Variants in INPP4B observed in about 807,000 individuals in gnomAD.
The protein encoded by INPP4B is inositol polyphosphate 4-phosphatase type II.
In INPP4B, 55 loss-of-function variants were observed where a neutral mutation model predicts 122.5. The observed-to-expected ratio is 0.45, with a 90% CI of 0.36 to 0.56. INPP4B has a LOEUF of 0.56. Among genes scored for constraint, INPP4B ranks in the 20% least tolerant of loss-of-function variants. The pLI is 0.00. For synonymous variants in INPP4B, 403 were observed against 388.7 expected (o/e 1.04, Z -0.43); for missense variants, 1,000 against 1,097.7 (o/e 0.91, Z 1.26).
intron 15 of INPP4B, among the ~76,000 whole-genome samples, chr4:142,175,531 T>C (rs1443392824): frequency 6.6e-6 from 1 of 152,162 alleles, no homozygotes; most frequent in African/African-American, 2.4e-5. Flanking sequence ...ACTAGTTTAC[T>C]TGTAGACTTT....
At chr4:142,377,795 G>C (rs900946887) in intron 7 of INPP4B, among the ~76,000 whole-genome samples, 2 of 152,016 alleles carry the variant, frequency 1.3e-5, no homozygotes, top group African/African-American at 2.4e-5. Context: ...GAAAAAATAA[G>C]TACTTATTCA....
chr4:142,114,388 A>G (rs1359255123), intron 21 of INPP4B, among the ~76,000 whole-genome samples: 2 of 152,078 alleles, frequency 1.3e-5, no homozygotes, highest in African/African-American at 4.8e-5. Flanking sequence ...TTTCAAAGTG[A>G]CAATTCCACC....
At chr4:142,461,484 A>G (rs1201292742) in intron 3 of INPP4B, among the ~76,000 whole-genome samples, 1 of 152,196 alleles carries the variant, frequency 6.6e-6, no homozygotes, top group Admixed American at 6.5e-5. Flanking sequence ...CTATATTTCC[A>G]CATGTGAAGT....
At chr4:142,294,856 A>AAAAAAAAAAAAAAAAAAAG (rs1561775056) in intron 9 of INPP4B, among the ~76,000 whole-genome samples, 2 of 143,806 alleles carry the variant, frequency 1.4e-5, no homozygotes, top group Non-Finnish European at 3.0e-5. Flanking sequence ...AAAAAAAAAA[A>AAAAAAAAAAAAAAAAAAAG]GGCAGACTTA....
intron 8 of INPP4B, among the ~76,000 whole-genome samples, chr4:142,312,901 C>G (rs1297847373): frequency 6.6e-6 from 1 of 152,158 alleles, no homozygotes. Flanking sequence ...TGAGAAGCAT[C>G]AAGTCTAGCA....
intron 2 of INPP4B, among the ~76,000 whole-genome samples, chr4:142,624,011 T>C (rs1024000303): frequency 6.6e-5 from 10 of 152,156 alleles, no homozygotes; most frequent in African/African-American, 1.9e-4. Context: ...CTATCGTGAA[T>C]ACTGCCGCAA....
chr4:142,249,086 T>C (rs1730627791), intron 11 of INPP4B, among the ~76,000 whole-genome samples: 1 of 152,076 alleles, frequency 6.6e-6, no homozygotes, highest in Non-Finnish European at 1.5e-5. Flanking sequence ...CAAATACCGG[T>C]AAGTTCTCCA....
At chr4:142,031,489 A>G (rs1171094026) in intron 25 of INPP4B, among the ~76,000 whole-genome samples, 3 of 152,184 alleles carry the variant, frequency 2.0e-5, no homozygotes, top group African/African-American at 7.2e-5. Flanking sequence ...CAAATCAACC[A>G]TGTTGTGCTG....
At chr4:142,156,248 G>A (rs336394) in intron 17 of INPP4B, among the ~76,000 whole-genome samples, 102,854 of 151,762 alleles carry the variant, frequency 0.68, 38,838 homozygotes, top group East Asian at 0.9. Flanking sequence ...GATTTGAATA[G>A]AAGTAGGCAG....
intron 1 of INPP4B, among the ~76,000 whole-genome samples, chr4:142,802,948 T>C (rs554788120): frequency 6.6e-6 from 1 of 151,928 alleles, no homozygotes; most frequent in Non-Finnish European, 1.5e-5. Context: ...GGCAGGTGGA[T>C]CACCTAAGGT....
At chr4:142,068,804 C>T (rs1765210832) in intron 25 of INPP4B, among the ~76,000 whole-genome samples, 1 of 152,128 alleles carries the variant, frequency 6.6e-6, no homozygotes, top group Non-Finnish European at 1.5e-5. Flanking sequence ...TATATGCACC[C>T]AATACAGGAG....
chr4:142,418,268 G>C (rs2149290791), intron 5 of INPP4B, among the ~76,000 whole-genome samples: 1 of 152,110 alleles, frequency 6.6e-6, no homozygotes, highest in Non-Finnish European at 1.5e-5. Context: ...AAATAATTGT[G>C]TTGGCAATAA....
At chr4:142,549,350 C>G (rs563482162) in intron 2 of INPP4B, among the ~76,000 whole-genome samples, 1 of 152,136 alleles carries the variant, frequency 6.6e-6, no homozygotes, top group African/African-American at 2.4e-5. Context: ...GAGCCCATGA[C>G]CATCAGACGG....
At chr4:142,238,130 C>CT (rs1303008668) in intron 11 of INPP4B, 119 bp from the exon 12 acceptor site, 6 of 495,472 alleles carry the variant, frequency 1.2e-5, no homozygotes, top group African/African-American at 2.0e-5. Flanking sequence ...TCCAAAATGT[C>CT]TTTTTTTAAA....
rs553247288 is a variant in INPP4B at position 142,729,641 on chromosome 4, CTGG to C, written c.-253-3743_-253-3741del. ...GATTCTCTCCCCGTTTGAGCTTTTC[CTGG>C]TTCTTCAGTAATCCTCACCTCCAAT... On this transcript the variant is annotated intron_variant, in intron 1 of 25. Transcript: ENST00000262992. Among the ~76,000 whole-genome samples the C allele has an allele frequency of 2.7e-3, 409 of 152,262 alleles. 2 individuals carry two copies. The highest frequency in any genetic ancestry group is 4.7e-3 in the Non-Finnish European group (320 of 68,010).
chr4:142,429,130 A>G, intron 5 of INPP4B, 43 bp downstream of exon 5: 1 of 1,209,892 alleles, frequency 8.3e-7, no homozygotes, highest in Non-Finnish European at 1.2e-6. Context: ...ACTACTACAC[A>G]AATTCTTATA....
intron 9 of INPP4B, among the ~76,000 whole-genome samples, chr4:142,275,559 C>T (rs1050692963): frequency 1.4e-4 from 22 of 151,926 alleles, no homozygotes; most frequent in Middle Eastern, 6.8e-3. Context: ...TGAGTGACTG[C>T]ACCCTGATGA....
intron 25 of INPP4B, among the ~76,000 whole-genome samples, chr4:142,041,167 A>C (rs1578695719): frequency 6.6e-6 from 1 of 152,182 alleles, no homozygotes; most frequent in East Asian, 1.9e-4. Flanking sequence ...GTAACACGAA[A>C]AAAAATTAGC....
At chr4:142,086,825 C>T (rs1777072291) in intron 23 of INPP4B, among the ~76,000 whole-genome samples, 1 of 152,114 alleles carries the variant, frequency 6.6e-6, no homozygotes, top group Non-Finnish European at 1.5e-5. Flanking sequence ...ACTATTTTAC[C>T]AGCATTTTGG....
Sources: gnomAD v4.1 joint callset for allele counts (sites outside exome capture counted in the v4.1 genomes callset) on GRCh38, gnomAD v4.1.1 for gene constraint, MANE v1.5 for transcripts, NCBI Gene and HGNC (gene_info 2026-07-23, HGNC 2026-07-21) for gene names.